The following PTPRS variants were observed in gnomAD, a reference collection of about 807,000 sequenced individuals.
PTPRS encodes the protein receptor-type tyrosine-protein phosphatase S.
Under a neutral mutation model 215.3 loss-of-function variants are expected in PTPRS, and 63 were observed. That is an observed-to-expected ratio of 0.29 (90% confidence interval 0.24 to 0.36). The LOEUF is 0.36. Ranked by LOEUF, PTPRS falls within the 10% of genes least tolerant of loss-of-function variation. The pLI, the probability that PTPRS is intolerant of heterozygous loss-of-function variation, is 1.00. For missense variants in PTPRS, 2,258 were observed against 2,825.8 expected (o/e 0.80, Z 4.56); for synonymous variants, 1,404 against 1,191.4 (o/e 1.18, Z -3.68).
At chr19:5,316,568 T>G (rs2049882892) in intron 1 of PTPRS, among the ~76,000 whole-genome samples, 1 of 152,078 alleles carries the variant, frequency 6.6e-6, no homozygotes, top group Non-Finnish European at 1.5e-5. Context: ...AATTTTTTTA[T>G]TTTTAGTAGA....
chr19:5,272,595 CAAAAAAA>C (rs10527451), intron 4 of PTPRS, among the ~76,000 whole-genome samples: 3 of 73,446 alleles, frequency 4.1e-5, no homozygotes, highest in Non-Finnish European at 2.6e-5. Context: ...AAGACTGTCT[CAAAAAAA>C]AAAAAAAAAA....
chr19:5,297,210 G>A (rs2049162963), intron 1 of PTPRS, among the ~76,000 whole-genome samples: 1 of 152,136 alleles, frequency 6.6e-6, no homozygotes, highest in Admixed American at 6.6e-5. Flanking sequence ...ACACGGGGCT[G>A]GATCACGTCA....
Position 5,313,822 on chromosome 19 carries a change from C to G in PTPRS, c.-95+26842G>C, listed in dbSNP as rs549041319. Among the ~76,000 whole-genome samples, 6 of 152,202 alleles carry G rather than the reference C, an allele frequency of 3.9e-5. No individual in the cohort carries two copies. In the East Asian group the frequency reaches 1.2e-3, roughly 29 times the overall value. ...TCTAAGACCACAGGTTTGCTGGGCACGCAGTGGCTCACACCTGTAATCCCA... is the reference window on the plus strand; with the variant it reads ...TCTAAGACCACAGGTTTGCTGGGCAGGCAGTGGCTCACACCTGTAATCCCA... On this transcript the variant is annotated intron_variant, in intron 1 of 37. Coordinates refer to ENST00000262963, the MANE Select transcript of PTPRS (RefSeq NM_002850.4).
At chr19:5,211,828 G>A in intron 32 of PTPRS, 60 bp from the exon 33 acceptor site, 3 of 1,593,338 alleles carry the variant, frequency 1.9e-6, no homozygotes, top group South Asian at 2.2e-5. Context: ...GCTTTCAGCT[G>A]GAGCACCAAT....
In PTPRS at chr19:5,212,433, T is replaced by C. The variant is rs2040992619; in HGVS notation, c.4673A>G (p.His1558Arg). 4.4e-6 allele frequency: 7 copies of C among 1,601,112 alleles called. No individual in the cohort carries two copies. Among genetic ancestry groups the C allele is most frequent in the Non-Finnish European group, 6.0e-6 (7 of 1,173,842 alleles). The change falls in exon 31 of 38, where the codon CAT becomes CGT. Residue 1558 changes from histidine (H) to arginine (R), a missense_variant. By Grantham distance (29) the His-to-Arg change is conservative. Around this residue, in one of 6 missense-constraint regions of PTPRS, gnomAD observed 927 missense variants for 1,125.9 expected, o/e 0.82. Transcript: ENST00000262963. Reference protein sequence around the residue: ...RQFQFTAWPDHGVPEYPTPFL... With the variant: ...RQFQFTAWPDRGVPEYPTPFL... Reference sequence around the variant, plus strand: ...GGGCGTTGGGTATTCGGGCACGCCATGGTCCGGCCACGCCGTAAACTGGAA... The same window carrying C: ...GGGCGTTGGGTATTCGGGCACGCCACGGTCCGGCCACGCCGTAAACTGGAA...
At chr19:5,219,760 G>C (rs181620716) in intron 22 of PTPRS, among the ~76,000 whole-genome samples, 179 bp downstream of exon 22, 3 of 152,100 alleles carry the variant, frequency 2.0e-5, no homozygotes, top group Non-Finnish European at 2.9e-5. Flanking sequence ...CAGCTCCAAG[G>C]TCTCTTCCTC....
intron 11 of PTPRS, among the ~76,000 whole-genome samples, chr19:5,242,524 C>A (rs568377150): frequency 1.1e-4 from 17 of 151,044 alleles, no homozygotes; most frequent in African/African-American, 3.9e-4. Flanking sequence ...TGTGCCACCA[C>A]GACTGGCTAA....
At chr19:5,272,731 T>C (rs541432268) in intron 4 of PTPRS, among the ~76,000 whole-genome samples, 16 of 151,384 alleles carry the variant, frequency 1.1e-4, no homozygotes, top group African/African-American at 3.4e-4. Context: ...CTAGCATCCG[T>C]TCATCCTTTA....
chr19:5,286,192 C>T lies in PTPRS; in HGVS notation c.-52G>A. 1 of 1,597,518 alleles carries T rather than the reference C, an allele frequency of 6.3e-7. No individual in the cohort carries two copies. The highest frequency in any genetic ancestry group is 8.5e-7 in the Non-Finnish European group (1 of 1,171,098). On this transcript the variant is annotated 5_prime_UTR_variant, in exon 2 of 38. Transcript: ENST00000262963. Reference sequence around the variant, plus strand: ...CCTGGAGGGGGATGGCCCCCCGGTCCCTCACAGAGAGGCCTCGAGCCGAGC... The same window carrying T: ...CCTGGAGGGGGATGGCCCCCCGGTCTCTCACAGAGAGGCCTCGAGCCGAGC...
intron 11 of PTPRS, among the ~76,000 whole-genome samples, chr19:5,243,432 G>A (rs942162973): frequency 1.1e-4 from 16 of 152,050 alleles, no homozygotes; most frequent in African/African-American, 3.4e-4. Flanking sequence ...CACCGCCTCC[G>A]GCCTAGCTCC....
At chr19:5,241,404 C>G (rs2044031978) in intron 11 of PTPRS, among the ~76,000 whole-genome samples, 1 of 152,048 alleles carries the variant, frequency 6.6e-6, no homozygotes, top group African/African-American at 2.4e-5. Context: ...TCGCCTCACC[C>G]TCCTAAGTAG....
At chr19:5,292,468 G>C (rs1478832835) in intron 1 of PTPRS, among the ~76,000 whole-genome samples, 1 of 152,158 alleles carries the variant, frequency 6.6e-6, no homozygotes, top group Non-Finnish European at 1.5e-5. Context: ...CTCAGTACTT[G>C]GGTCCTGGAA....
chr19:5,267,718 C>CT (rs2046535650), intron 4 of PTPRS, among the ~76,000 whole-genome samples: 2 of 148,958 alleles, frequency 1.3e-5, no homozygotes, highest in Non-Finnish European at 3.0e-5. Context: ...CGTGCCCCCC[C>CT]GCCCCCCCAA....
At position 5,285,700 on chromosome 19, in the gene PTPRS, G is replaced by T. The variant is rs543730692; in HGVS notation, c.91+350C>A. ...TTTTCCCTCATTGGGAAACGTGGAA[G>T]GTAACAGAACTGGCACACTGGGTTT... On this transcript the variant is annotated intron_variant, in intron 2 of 37. Transcript: ENST00000262963. 3.9e-5 allele frequency among the ~76,000 whole-genome samples: 6 copies of T among 152,326 alleles called. No homozygotes were observed. The South Asian group carries it at 1.2e-3, about 32-fold the overall frequency.
In PTPRS at chr19:5,318,462, T is replaced by C. The variant is rs547675703; in HGVS notation, c.-95+22202A>G. Among the ~76,000 whole-genome samples the C allele has an allele frequency of 9.2e-5, 14 of 152,232 alleles. No homozygotes were observed. In the South Asian group the frequency reaches 2.7e-3, roughly 29 times the overall value. ...GTCCAACAGCAAGGCAGTCTGGCCA[T>C]GCTGTGTGACCCTGGGCAGGTGACT... On this transcript the variant is annotated intron_variant, in intron 1 of 37. Coordinates refer to ENST00000262963, the MANE Select transcript of PTPRS (RefSeq NM_002850.4).
At chr19:5,298,717 C>T in intron 1 of PTPRS, among the ~76,000 whole-genome samples, 1 of 152,258 alleles carries the variant, frequency 6.6e-6, no homozygotes, top group Non-Finnish European at 1.5e-5. Context: ...AGGCACGCCC[C>T]AGCTCCATGT....
chr19:5,238,299 A>T (rs1329000954), intron 13 of PTPRS, among the ~76,000 whole-genome samples: 1 of 152,146 alleles, frequency 6.6e-6, no homozygotes, highest in Admixed American at 6.5e-5. Flanking sequence ...CCGGCACAGC[A>T]GAGAACTCCA....
rs1364677351 is a variant in PTPRS, at chr19:5,339,555, G to A, written c.-95+1109C>T. Among the ~76,000 whole-genome samples, 1 of 151,996 alleles carries A rather than the reference G, an allele frequency of 6.6e-6. No homozygotes were observed. The highest frequency in any genetic ancestry group is 2.4e-5 in the African/African-American group (1 of 41,402). On this transcript the variant is annotated intron_variant, in intron 1 of 37. Transcript: ENST00000262963. This position sits in a 1 kb window ranked among gnomAD's most constrained non-coding sequence, Gnocchi z 4.2. Reference sequence around the variant, plus strand: ...GGGGGGAATTGGTGGGAAATGTCCAGGATTTGTAGGGGGAGGTCCGAAGGG... The same window carrying A: ...GGGGGGAATTGGTGGGAAATGTCCAAGATTTGTAGGGGGAGGTCCGAAGGG...
At chr19:5,229,715 GC>G (rs1258447967) in intron 14 of PTPRS, 31 bp from the exon 15 acceptor site, 3 of 1,220,600 alleles carry the variant, frequency 2.5e-6, no homozygotes, top group Admixed American at 4.3e-5. Flanking sequence ...GGAGGGGCGG[GC>G]GGAGCCGTTA....
Sources: gnomAD v4.1 joint callset for allele counts (sites outside exome capture counted in the v4.1 genomes callset) on GRCh38, gnomAD v4.1.1 for gene constraint, gnomAD v4.1.1 regional missense constraint, Gnocchi (gnomAD v3.1) non-coding constraint, MANE v1.5 for transcripts, NCBI Gene and HGNC (gene_info 2026-07-23, HGNC 2026-07-21) for gene names.